The following DGKB variants were observed in gnomAD, a reference collection of about 807,000 sequenced individuals.
DGKB encodes the protein 90 kDa diacylglycerol kinase.
DGKB carries 67 observed loss-of-function variants against 114.3 expected under a neutral mutation model. The ratio of observed to expected loss-of-function variants is 0.59; its 90% CI spans 0.48 to 0.72. The LOEUF (loss-of-function observed/expected upper bound fraction) is 0.72, where lower values mean the gene tolerates loss of function less well. Ranked by LOEUF, DGKB falls within the 30% of genes least tolerant of loss-of-function variation. DGKB has a pLI of 0.00. For missense variants in DGKB, 907 were observed against 975.2 expected, an observed-to-expected ratio of 0.93 and a Z score of 0.93; for synonymous variants, 398 against 323.1, an observed-to-expected ratio of 1.23 and a Z score of -2.49.
intron 1 of DGKB, among the ~76,000 whole-genome samples, chr7:14,863,193 G>T (rs943241957): frequency 6.6e-6 from 1 of 151,376 alleles, no homozygotes; most frequent in African/African-American, 2.4e-5. Context: ...TATTTATTAA[G>T]CATTTGTAAT....
intron 23 of DGKB, among the ~76,000 whole-genome samples, chr7:14,273,883 T>G (rs894300271): frequency 3.3e-5 from 5 of 152,246 alleles, no homozygotes; most frequent in Admixed American, 3.3e-4. Flanking sequence ...ATCAGTAATT[T>G]CTCATTGTAC....
chr7:14,430,366 A>T (rs1027214478), intron 21 of DGKB, among the ~76,000 whole-genome samples: 13 of 152,154 alleles, frequency 8.5e-5, no homozygotes, highest in Non-Finnish European at 1.8e-4. Flanking sequence ...TCATTAAAAT[A>T]TTTCACTGGC....
At chr7:14,939,771 G>A (rs931165224) in intron 1 of DGKB, among the ~76,000 whole-genome samples, 2 of 151,286 alleles carry the variant, frequency 1.3e-5, no homozygotes, top group East Asian at 2.0e-4. Flanking sequence ...CCACCACGAC[G>A]CCCAGCTAAT....
chr7:14,192,234 A>G (rs1231801484), intron 23 of DGKB: 1 of 203,004 alleles, frequency 4.9e-6, no homozygotes, highest in East Asian at 1.4e-4. Flanking sequence ...TCCACCAAAA[A>G]CTAGTCAAAC....
intron 13 of DGKB, 88 bp from the exon 14 acceptor site, chr7:14,630,356 G>T: frequency 1.1e-6 from 1 of 876,738 alleles, no homozygotes; most frequent in Non-Finnish European, 1.7e-6. Context: ...TTACATGCCT[G>T]TGAAATAAAT....
At chr7:14,450,913 G>A (rs1831392981) in intron 21 of DGKB, among the ~76,000 whole-genome samples, 1 of 152,010 alleles carries the variant, frequency 6.6e-6, no homozygotes. Flanking sequence ...CAAGTAGTTG[G>A]TGGGATGTTG....
intron 21 of DGKB, among the ~76,000 whole-genome samples, chr7:14,383,869 C>T (rs933889866): frequency 6.6e-6 from 1 of 152,108 alleles, no homozygotes; most frequent in Non-Finnish European, 1.5e-5. Flanking sequence ...AGAAAGAGAG[C>T]GTGGTTATTA....
chr7:14,465,985 T>G (rs912693378), intron 21 of DGKB, among the ~76,000 whole-genome samples: 3 of 152,136 alleles, frequency 2.0e-5, no homozygotes, highest in Non-Finnish European at 4.4e-5. Context: ...GACGTTTGCA[T>G]GTGCACACAA....
chr7:14,513,707 T>A (rs1329298193), intron 20 of DGKB, among the ~76,000 whole-genome samples: 1 of 152,028 alleles, frequency 6.6e-6, no homozygotes, highest in Non-Finnish European at 1.5e-5. Context: ...ATTGTGAATG[T>A]CTTTATATGT....
intron 14 of DGKB, among the ~76,000 whole-genome samples, chr7:14,623,782 C>T (rs937826404): frequency 4.6e-5 from 7 of 152,046 alleles, no homozygotes; most frequent in African/African-American, 1.7e-4. Flanking sequence ...TTTAAGTTTG[C>T]AAATTATAAT....
At chr7:14,585,965 A>G (rs1800696561) in intron 17 of DGKB, among the ~76,000 whole-genome samples, 1 of 152,080 alleles carries the variant, frequency 6.6e-6, no homozygotes, top group Admixed American at 6.6e-5. Context: ...TTGTGTCCTC[A>G]GGCCTCTTAA....
At chr7:14,364,039 T>A (rs1816216378) in intron 21 of DGKB, among the ~76,000 whole-genome samples, 1 of 152,080 alleles carries the variant, frequency 6.6e-6, no homozygotes, top group Non-Finnish European at 1.5e-5. Flanking sequence ...GTCAGCTCGG[T>A]ACTGTGTGGC....
chr7:14,828,824 C>T (rs1424243164), intron 2 of DGKB, among the ~76,000 whole-genome samples: 1 of 152,114 alleles, frequency 6.6e-6, no homozygotes, highest in Non-Finnish European at 1.5e-5. Context: ...CATTTTCCCA[C>T]AGTGATTATT....
chr7:14,631,271 A>G (rs937627254), intron 13 of DGKB, among the ~76,000 whole-genome samples: 1 of 150,274 alleles, frequency 6.7e-6, no homozygotes, highest in Non-Finnish European at 1.5e-5. Context: ...ACCAAAAAAA[A>G]AAAAAAAAAA....
intron 24 of DGKB, among the ~76,000 whole-genome samples, chr7:14,177,629 A>G (rs2128245377): frequency 6.6e-6 from 1 of 152,022 alleles, no homozygotes; most frequent in African/African-American, 2.4e-5. Context: ...GTTAAAATTT[A>G]AAACATATAT....
At chr7:14,958,250 A>G (rs1786628638) in intron 1 of DGKB, among the ~76,000 whole-genome samples, 1 of 151,998 alleles carries the variant, frequency 6.6e-6, no homozygotes, top group Admixed American at 6.6e-5. Flanking sequence ...GAATGAAGAA[A>G]ACTTCTGAGA....
At chr7:14,866,958 A>C (rs1851789813) in intron 1 of DGKB, among the ~76,000 whole-genome samples, 1 of 152,120 alleles carries the variant, frequency 6.6e-6, no homozygotes, top group Non-Finnish European at 1.5e-5. Flanking sequence ...CTGATGTTTA[A>C]TTTGCATTTC....
At chr7:14,201,348 CACAA>C (rs1463012674) in intron 23 of DGKB, among the ~76,000 whole-genome samples, 1 of 151,936 alleles carries the variant, frequency 6.6e-6, no homozygotes, top group African/African-American at 2.4e-5. Context: ...TTTGGGCAGA[CACAA>C]ACATTCAGAC....
At chr7:14,268,879 T>C (rs1049192904) in intron 23 of DGKB, 3 of 152,244 alleles carry the variant, frequency 2.0e-5, no homozygotes, top group African/African-American at 4.8e-5. Context: ...ATTGGTTATC[T>C]ATTGTGAATA....
Sources: gnomAD v4.1 joint callset for allele counts (sites outside exome capture counted in the v4.1 genomes callset) on GRCh38, gnomAD v4.1.1 for gene constraint, MANE v1.5 for transcripts, NCBI Gene and HGNC (gene_info 2026-07-23, HGNC 2026-07-21) for gene names.